The following RIMS1 variants were observed in gnomAD, a reference collection of about 807,000 sequenced individuals.
RIMS1 encodes regulating synaptic membrane exocytosis protein 1.
In RIMS1, 83 loss-of-function variants were observed where a neutral mutation model predicts 214.1. That is an observed-to-expected ratio of 0.39 (90% confidence interval 0.32 to 0.47). The LOEUF (loss-of-function observed/expected upper bound fraction) is 0.47, where lower values mean the gene tolerates loss of function less well. RIMS1 is among the 20% of genes least tolerant of loss of function. The pLI is 0.99. For synonymous variants in RIMS1, 793 were observed against 786.8 expected, an observed-to-expected ratio of 1.01 and a Z score of -0.13; for missense variants, 2,050 against 2,161.8, an observed-to-expected ratio of 0.95 and a Z score of 1.03.
chr6:72,239,420 C>G (rs2065724355), intron 9 of RIMS1, among the ~76,000 whole-genome samples: 1 of 152,104 alleles, frequency 6.6e-6, no homozygotes. Flanking sequence ...ACTTTTCATT[C>G]TAAGCAATTT....
intron 2 of RIMS1, among the ~76,000 whole-genome samples, chr6:71,981,542 G>T (rs567211428): frequency 2.0e-5 from 3 of 152,122 alleles, no homozygotes; most frequent in East Asian, 1.9e-4. Context: ...ACTCTTTGTG[G>T]TATTCACCCC....
chr6:71,903,760 G>T (rs1419021), intron 1 of RIMS1, among the ~76,000 whole-genome samples: 3,255 of 148,338 alleles, frequency 0.022, 118 homozygotes, highest in African/African-American at 0.075. Flanking sequence ...GTGTGTGTGT[G>T]TTTTTTTTTT....
intron 29 of RIMS1, among the ~76,000 whole-genome samples, chr6:72,381,928 G>C (rs143912102): frequency 6.6e-6 from 1 of 152,284 alleles, no homozygotes; most frequent in East Asian, 1.9e-4. Context: ...TATCTTTTGG[G>C]TTAGGGAAAT....
chr6:72,251,153 G>T, intron 14 of RIMS1, 61 bp downstream of exon 14: 1 of 1,554,098 alleles, frequency 6.4e-7, no homozygotes, highest in South Asian at 1.2e-5. Flanking sequence ...TATTTATTAT[G>T]ATTACTATTA....
chr6:72,144,617 T>C (rs2042487588), intron 4 of RIMS1, among the ~76,000 whole-genome samples: 1 of 151,776 alleles, frequency 6.6e-6, no homozygotes, highest in Non-Finnish European at 1.5e-5. Context: ...TGGTCTTCTT[T>C]TCCAAAAAAA....
chr6:71,970,431 T>C (rs945847379), intron 2 of RIMS1, among the ~76,000 whole-genome samples: 2 of 152,224 alleles, frequency 1.3e-5, no homozygotes, highest in Admixed American at 1.3e-4. Context: ...GAATTAACAT[T>C]GATTTTAAAA....
chr6:71,982,815 A>G (rs1396457430), intron 2 of RIMS1, among the ~76,000 whole-genome samples: 1 of 152,034 alleles, frequency 6.6e-6, no homozygotes, highest in Non-Finnish European at 1.5e-5. Flanking sequence ...CATCCCACCC[A>G]GCTTTGCTCA....
intron 2 of RIMS1, among the ~76,000 whole-genome samples, chr6:71,985,383 C>T (rs754092787): frequency 5.3e-5 from 8 of 151,932 alleles, no homozygotes; most frequent in Non-Finnish European, 1.2e-4. Context: ...GAGTGACACC[C>T]TGTCTAAAAT....
At chr6:71,924,241 C>A (rs1043437746) in intron 1 of RIMS1, among the ~76,000 whole-genome samples, 1 of 152,054 alleles carries the variant, frequency 6.6e-6, no homozygotes, top group Non-Finnish European at 1.5e-5. Flanking sequence ...CTCTACAAAA[C>A]GTTTGGTAGA....
chr6:72,012,940 C>T (rs1347383882), intron 2 of RIMS1, among the ~76,000 whole-genome samples: 1 of 152,104 alleles, frequency 6.6e-6, no homozygotes, highest in Non-Finnish European at 1.5e-5. Context: ...GGTCTTAGAG[C>T]ATGTTTTGCA....
chr6:72,086,187 G>C (rs1015373567), intron 2 of RIMS1, among the ~76,000 whole-genome samples: 5 of 152,104 alleles, frequency 3.3e-5, no homozygotes, highest in African/African-American at 1.2e-4. Context: ...TTAAATTTCA[G>C]AAGTGATTCA....
chr6:72,249,487 A>G (rs955972123), intron 12 of RIMS1, among the ~76,000 whole-genome samples: 2 of 152,144 alleles, frequency 1.3e-5, no homozygotes, highest in Non-Finnish European at 2.9e-5. Flanking sequence ...AACCTGTAAT[A>G]GTTTAATTCT....
chr6:71,887,305 G>A (rs1303274564), intron 1 of RIMS1, 118 bp downstream of exon 1: 10 of 1,337,900 alleles, frequency 7.5e-6, no homozygotes, highest in East Asian at 2.5e-5. Context: ...TGCTGGGTGC[G>A]GACGGAGGCG....
intron 22 of RIMS1, among the ~76,000 whole-genome samples, chr6:72,272,797 A>G (rs1023133215): frequency 6.6e-6 from 1 of 152,174 alleles, no homozygotes; most frequent in African/African-American, 2.4e-5. Flanking sequence ...ACAACTGAGT[A>G]TATACCTTAA....
chr6:72,376,505 G>A (rs967479512), intron 29 of RIMS1, among the ~76,000 whole-genome samples: 1 of 152,150 alleles, frequency 6.6e-6, no homozygotes, highest in Admixed American at 6.5e-5. Flanking sequence ...TGTAATCCCA[G>A]CACTGGGGGA....
chr6:72,156,008 A>G, intron 4 of RIMS1: 1 of 304,816 alleles, frequency 3.3e-6, no homozygotes, highest in South Asian at 2.7e-5. Flanking sequence ...TAACACTTAT[A>G]CCCTGTTGGT....
At position 72,335,852 on chromosome 6, in the gene RIMS1, G is replaced by A. The variant is rs184549444; in HGVS notation, c.4366+2017G>A. Among the ~76,000 whole-genome samples the A allele has an allele frequency of 1.9e-3, 282 of 151,808 alleles. 2 individuals are homozygous for A. Among genetic ancestry groups the A allele is most frequent in the Non-Finnish European group, 2.3e-3 (153 of 67,838 alleles). ...TGATGAGCTTTTTTTTCATACGTTT[G>A]TTGGCCACATTAAATGTCTTCTCTT... On this transcript the variant is annotated intron_variant, in intron 29 of 33. Coordinates refer to ENST00000521978, the MANE Select transcript of RIMS1 (RefSeq NM_014989.7).
At chr6:72,238,711 C>G (rs764596084) in intron 9 of RIMS1, among the ~76,000 whole-genome samples, 6 of 151,978 alleles carry the variant, frequency 3.9e-5, no homozygotes, top group Non-Finnish European at 8.8e-5. Context: ...TGCCAGACAA[C>G]TATAAAGGAA....
rs191711880 is a variant in RIMS1 at position 72,151,074 on chromosome 6, G to A, written c.472-28501G>A. 4.2e-4 allele frequency among the ~76,000 whole-genome samples: 64 copies of A among 151,570 alleles called. No individual in the cohort carries two copies. In the East Asian group the frequency reaches 8.7e-3, roughly 21 times the overall value. On this transcript the variant is annotated intron_variant, in intron 4 of 33. Transcript: ENST00000521978. The stretch of plus-strand genomic sequence containing the variant: ...TTTCTTTTTTTTGAGACGGAGTCTC[G>A]CTCTGTCACCCAGGCTGGAGTGCAG...
Sources: gnomAD v4.1 joint callset for allele counts (sites outside exome capture counted in the v4.1 genomes callset) on GRCh38, gnomAD v4.1.1 for gene constraint, MANE v1.5 for transcripts, NCBI Gene and HGNC (gene_info 2026-07-23, HGNC 2026-07-21) for gene names.